CNKSR3: variants seen among roughly 807,000 people sequenced by gnomAD.
CNKSR3 encodes the protein CNKSR family member 3.
A neutral mutation model predicts 67.7 loss-of-function variants in CNKSR3; 36 were observed. That is an observed-to-expected ratio of 0.53 (90% CI 0.41 to 0.70). The LOEUF (loss-of-function observed/expected upper bound fraction) is 0.70, where lower values mean the gene tolerates loss of function less well. Among genes scored for constraint, CNKSR3 ranks in the 30% least tolerant of loss-of-function variants. CNKSR3 has a pLI of 0.00. For synonymous variants in CNKSR3, 281 were observed against 271.4 expected, an observed-to-expected ratio of 1.04 and a Z score of -0.35; for missense variants, 630 against 695.2, an observed-to-expected ratio of 0.91 and a Z score of 1.05.
intron 9 of CNKSR3, among the ~76,000 whole-genome samples, chr6:154,416,506 A>T (rs752320002): frequency 1.1e-4 from 16 of 152,248 alleles, no homozygotes; most frequent in Non-Finnish European, 1.8e-4. Context: ...AAAGTAAACT[A>T]GAACATTTCC....
intron 1 of CNKSR3, among the ~76,000 whole-genome samples, chr6:154,506,166 T>C (rs973313694): frequency 1.3e-5 from 2 of 151,886 alleles, no homozygotes; most frequent in Non-Finnish European, 2.9e-5. Flanking sequence ...CCTACCAATA[T>C]CTATTCTCCC....
rs570755194 is a variant in CNKSR3 at position 154,403,149 on chromosome 6, G to A, written c.*3205C>T. On this transcript the variant is annotated 3_prime_UTR_variant, in exon 13 of 13. Coordinates refer to ENST00000607772, the MANE Select transcript of CNKSR3 (RefSeq NM_173515.4). Reference sequence around the variant, plus strand: ...ATATTATAATAGGGGTAGGTGTTGAGTTGTGTCTGGGAGAGTTTTAACAAT... The same window carrying A: ...ATATTATAATAGGGGTAGGTGTTGAATTGTGTCTGGGAGAGTTTTAACAAT... The A allele has an allele frequency of 2.2e-4, 34 of 152,210 alleles. No homozygotes were observed. The highest frequency in any genetic ancestry group is 8.2e-4 in the African/African-American group (34 of 41,532). The allele number at this position is 152,210 out of a possible 1,614,324, so 9.4% of individuals were successfully genotyped here.
chr6:154,485,196 C>T (rs979214757), intron 1 of CNKSR3, among the ~76,000 whole-genome samples: 9 of 152,270 alleles, frequency 5.9e-5, no homozygotes, highest in African/African-American at 1.9e-4. Context: ...AGTTCCAAAC[C>T]TATAATGTTT....
At chr6:154,458,005 C>T (rs1392011482) in intron 1 of CNKSR3, among the ~76,000 whole-genome samples, 5 of 152,258 alleles carry the variant, frequency 3.3e-5, no homozygotes, top group Non-Finnish European at 7.3e-5. Context: ...AGGCCAAATC[C>T]TGCCAGCTGC....
intron 9 of CNKSR3, among the ~76,000 whole-genome samples, chr6:154,418,642 A>T (rs373680588): frequency 1.3e-5 from 2 of 152,202 alleles, no homozygotes; most frequent in South Asian, 2.1e-4. Flanking sequence ...CGCCTCTGGA[A>T]TGTTAAGCAT....
intron 5 of CNKSR3, among the ~76,000 whole-genome samples, chr6:154,432,305 C>A (rs1562329757): frequency 6.6e-6 from 1 of 152,140 alleles, no homozygotes; most frequent in Admixed American, 6.5e-5. Flanking sequence ...TGTATGTATT[C>A]TTTGGTGAAG....
chr6:154,468,321 C>T (rs922290091), intron 1 of CNKSR3, among the ~76,000 whole-genome samples: 4 of 151,088 alleles, frequency 2.6e-5, no homozygotes, highest in Non-Finnish European at 5.9e-5. Context: ...CTCAAGCAGT[C>T]CACCCTCCTT....
chr6:154,435,579 C>T (rs1250396128), intron 4 of CNKSR3, among the ~76,000 whole-genome samples: 2 of 152,252 alleles, frequency 1.3e-5, no homozygotes, highest in African/African-American at 4.8e-5. Context: ...CCACTGTGAA[C>T]GTGGTTCCCA....
intron 4 of CNKSR3, chr6:154,433,757 ATTAC>A: frequency 2.6e-6 from 1 of 383,362 alleles, no homozygotes; most frequent in Non-Finnish European, 4.7e-6. Flanking sequence ...CACTTGGCCA[ATTAC>A]TTAATTTGAA....
intron 5 of CNKSR3, among the ~76,000 whole-genome samples, chr6:154,432,436 G>A (rs1425498992): frequency 1.3e-5 from 2 of 152,076 alleles, no homozygotes; most frequent in African/African-American, 4.8e-5. Flanking sequence ...TCTGATAGGT[G>A]TTTTGAAAAT....
intron 1 of CNKSR3, among the ~76,000 whole-genome samples, chr6:154,451,079 A>G (rs6924868): frequency 1.3e-5 from 2 of 151,966 alleles, no homozygotes; most frequent in Non-Finnish European, 1.5e-5. Flanking sequence ...AATACAGACT[A>G]TAAAGGAGAC....
intron 1 of CNKSR3, among the ~76,000 whole-genome samples, chr6:154,481,315 C>T (rs901152985): frequency 2.0e-5 from 3 of 150,980 alleles, no homozygotes; most frequent in Admixed American, 6.6e-5. Flanking sequence ...CTTATTTATG[C>T]TTATTTGATA....
chr6:154,471,977 A>AG (rs1276842293), intron 1 of CNKSR3, among the ~76,000 whole-genome samples: 1 of 152,182 alleles, frequency 6.6e-6, no homozygotes, highest in African/African-American at 2.4e-5. Context: ...AATTTCCAAT[A>AG]AGTCTGCCCA....
chr6:154,450,470 C>T (rs1360049492), intron 1 of CNKSR3, among the ~76,000 whole-genome samples: 1 of 152,186 alleles, frequency 6.6e-6, no homozygotes, highest in Non-Finnish European at 1.5e-5. Flanking sequence ...AGTGATCCAA[C>T]AGAATTTTAT....
chr6:154,487,228 T>C (rs1786693159), intron 1 of CNKSR3, among the ~76,000 whole-genome samples: 2 of 152,218 alleles, frequency 1.3e-5, no homozygotes, highest in Admixed American at 1.3e-4. Context: ...AGATTGAAAC[T>C]ACCCCGTTGG....
intron 1 of CNKSR3, among the ~76,000 whole-genome samples, chr6:154,479,109 AC>A (rs142605303): frequency 0.017 from 2,510 of 151,630 alleles, 64 homozygotes; most frequent in African/African-American, 0.056. Flanking sequence ...CACAGCCTAT[AC>A]CCCCCCATCC....
At chr6:154,420,676 G>A (rs1268636175) in intron 9 of CNKSR3, among the ~76,000 whole-genome samples, 3 of 100,750 alleles carry the variant, frequency 3.0e-5, no homozygotes, top group African/African-American at 4.3e-5. Context: ...GCGACAGAGC[G>A]AGACTCCGTC....
intron 4 of CNKSR3, among the ~76,000 whole-genome samples, chr6:154,437,756 A>ACTTGTCAAGAGCG (rs1554233152): frequency 2.0e-5 from 3 of 151,998 alleles, no homozygotes; most frequent in Admixed American, 2.0e-4. Flanking sequence ...TGTCAAGAGC[A>ACTTGTCAAGAGCG]CTTGTCAAGA....
intron 1 of CNKSR3, among the ~76,000 whole-genome samples, chr6:154,493,149 G>A (rs1562357184): frequency 6.6e-6 from 1 of 152,098 alleles, no homozygotes; most frequent in Non-Finnish European, 1.5e-5. Flanking sequence ...CCTTGGTCAC[G>A]ATGCCTCAGG....
Sources: gnomAD v4.1 joint callset for allele counts (sites outside exome capture counted in the v4.1 genomes callset) on GRCh38, gnomAD v4.1.1 for gene constraint, MANE v1.5 for transcripts, NCBI Gene and HGNC (gene_info 2026-07-23, HGNC 2026-07-21) for gene names.